UBE2D3: variants seen among roughly 807,000 people sequenced by gnomAD.
UBE2D3 encodes ubiquitin conjugating enzyme E2 D3, also known as ubiquitin-conjugating enzyme E2 D3.
Under a neutral mutation model 22.8 loss-of-function variants are expected in UBE2D3, and 2 were observed. The observed-to-expected ratio is 0.09, with a 90% CI of 0.04 to 0.28. UBE2D3 has a LOEUF of 0.28. Among genes scored for constraint, UBE2D3 ranks in the 10% least tolerant of loss-of-function variants. The pLI is 1.00. For synonymous variants in UBE2D3, 56 were observed against 60.4 expected (o/e 0.93, Z 0.34); for missense variants, 27 against 182.5 (o/e 0.15, Z 4.91).
chr4:102,825,415 G>C (rs1025217342), intron 2 of UBE2D3: 1 of 1,046,868 alleles, frequency 9.6e-7, no homozygotes, highest in African/African-American at 1.7e-5. Flanking sequence ...TTTGAGCAGA[G>C]GATCTTAGAG....
rs186318987 is a variant in UBE2D3 at position 102,851,650 on chromosome 4, T to G, written c.-129+17065A>C. 7.1e-4 allele frequency among the ~76,000 whole-genome samples: 105 copies of G among 148,384 alleles called. 1 individual carries two copies. Among genetic ancestry groups the G allele is most frequent in the South Asian group, 3.0e-3 (14 of 4,686 alleles). ...CCTTTAATATTAGAACCCCCATTTT[T>G]TTTTGTTTTGTTTTGTTTTTTGTTT... On this transcript the variant is annotated intron_variant, in intron 1 of 7. Transcript: ENST00000338145.
chr4:102,801,311 A>C lies in UBE2D3; in HGVS notation c.304+143T>G, dbSNP rs1380150742. On this transcript the variant is annotated intron_variant, in intron 6 of 7. Transcript: ENST00000453744. ...AAGTATCTTTAATCAACACCACTAA[A>C]AGAACAAAAATTATAAAAGTAACTT... The C allele has an allele frequency of 1.2e-5, 8 of 687,570 alleles. No homozygotes were observed. The East Asian group carries it at 2.4e-4, about 21-fold the overall frequency. 42.6% of individuals were successfully genotyped at this position (687,570 alleles called of 1,614,324 possible).
chr4:102,856,584 T>C (rs76795287), intron 1 of UBE2D3, among the ~76,000 whole-genome samples: 5 of 152,174 alleles, frequency 3.3e-5, no homozygotes, highest in Non-Finnish European at 5.9e-5. Flanking sequence ...TTTAAAATCA[T>C]AATATTCGTA....
In UBE2D3 at chr4:102,798,975, T is replaced by C. The variant is rs762394601; in HGVS notation, c.398+432A>G. 2.5e-6 allele frequency: 4 copies of C among 1,611,196 alleles called. No homozygotes were observed. The Admixed American group carries it at 5.0e-5, about 20-fold the overall frequency. ...TGTCCACTCTCTTGCTAACCTATTG[T>C]ACCTAATTGAACAAGTACACTTAGC... is the stretch of plus-strand genomic sequence containing the variant. On this transcript the variant is annotated intron_variant, in intron 7 of 7. Coordinates refer to ENST00000453744, the MANE Select transcript of UBE2D3 (RefSeq NM_181891.3).
At chr4:102,867,148 T>A (rs908762490) in intron 1 of UBE2D3, among the ~76,000 whole-genome samples, 6 of 152,242 alleles carry the variant, frequency 3.9e-5, no homozygotes, top group Non-Finnish European at 7.3e-5. Context: ...ACAATTATAA[T>A]GATAGAAAAT....
intron 1 of UBE2D3, among the ~76,000 whole-genome samples, chr4:102,840,330 A>C (rs1445186442): frequency 6.6e-6 from 1 of 152,272 alleles, no homozygotes; most frequent in Non-Finnish European, 1.5e-5. Context: ...GTGTCCGTCA[A>C]CAGATGAATG....
At chr4:102,864,543 T>C (rs1733058091) in intron 1 of UBE2D3, among the ~76,000 whole-genome samples, 1 of 152,188 alleles carries the variant, frequency 6.6e-6, no homozygotes, top group Non-Finnish European at 1.5e-5. Flanking sequence ...AAGACGATAA[T>C]GATAATAACC....
chr4:102,847,740 C>T (rs1382267418), intron 1 of UBE2D3, among the ~76,000 whole-genome samples: 5 of 152,052 alleles, frequency 3.3e-5, no homozygotes, highest in African/African-American at 1.2e-4. Flanking sequence ...AACTCCTGGG[C>T]TTAGACAACC....
At chr4:102,830,743 A>G (rs1448311960), upstream of UBE2D3, among the ~76,000 whole-genome samples, 5 of 152,246 alleles carry the variant, frequency 3.3e-5, no homozygotes, top group African/African-American at 7.2e-5. Context: ...GTACACGCCT[A>G]TGGTCCCAGC....
At chr4:102,801,397 C>T (rs1013866879) in intron 6 of UBE2D3, 57 bp downstream of exon 6, 2 of 1,437,018 alleles carry the variant, frequency 1.4e-6, no homozygotes, top group Non-Finnish European at 1.9e-6. Context: ...ATAAGTAGAT[C>T]TAAGAATGAA....
At chr4:102,809,432 A>G (rs1645811307) in intron 4 of UBE2D3, 6 of 503,598 alleles carry the variant, frequency 1.2e-5, no homozygotes, top group South Asian at 1.2e-4. Context: ...AGATACAGAG[A>G]TGTTTGGTAG....
chr4:102,860,094 G>A (rs532315884), intron 1 of UBE2D3, among the ~76,000 whole-genome samples: 19 of 152,118 alleles, frequency 1.2e-4, no homozygotes, highest in African/African-American at 1.2e-4. Flanking sequence ...TGATCCACAC[G>A]CCTCGGCCTC....
intron 4 of UBE2D3, among the ~76,000 whole-genome samples, chr4:102,806,758 G>A (rs1467638256): frequency 6.6e-6 from 1 of 151,980 alleles, no homozygotes; most frequent in African/African-American, 2.4e-5. Flanking sequence ...AAATATCAGA[G>A]GCAATAGGTA....
intron 2 of UBE2D3, among the ~76,000 whole-genome samples, chr4:102,822,413 G>A (rs553519281): frequency 1.3e-5 from 2 of 152,152 alleles, no homozygotes; most frequent in African/African-American, 2.4e-5. Flanking sequence ...TTCACTCTAA[G>A]ACATCCTAAG....
chr4:102,847,445 C>T (rs1451006904), intron 1 of UBE2D3, among the ~76,000 whole-genome samples: 1 of 151,656 alleles, frequency 6.6e-6, no homozygotes, highest in Non-Finnish European at 1.5e-5. Context: ...GCCACCACAC[C>T]CAGCTAATTT....
intron 2 of UBE2D3, 85 bp downstream of exon 2, chr4:102,826,400 T>C: frequency 6.5e-7 from 1 of 1,533,298 alleles, no homozygotes; most frequent in South Asian, 1.1e-5. Context: ...TTCAGAATTA[T>C]GCTTCCTTCC....
intron 1 of UBE2D3, among the ~76,000 whole-genome samples, chr4:102,863,226 TTTTTAG>T (rs1330699732): frequency 6.6e-6 from 1 of 151,974 alleles, no homozygotes. Context: ...AATTTTTGTA[TTTTTAG>T]TAGAGATGGG....
chr4:102,807,956 A>G (rs1408078581), intron 4 of UBE2D3, among the ~76,000 whole-genome samples: 1 of 152,236 alleles, frequency 6.6e-6, no homozygotes, highest in African/African-American at 2.4e-5. Context: ...TAGAAGTTTT[A>G]ATTACCAACG....
upstream of UBE2D3, chr4:102,827,854 G>A: frequency 1.0e-6 from 1 of 985,676 alleles, no homozygotes; most frequent in Non-Finnish European, 1.2e-6. Context: ...ATCGAGAACC[G>A]GAAGGAGACC....
Sources: allele counts gnomAD v4.1 joint callset (sites outside exome capture counted in the v4.1 genomes callset), GRCh38; gene constraint gnomAD v4.1.1; transcripts MANE v1.5; gene names NCBI Gene and HGNC (gene_info 2026-07-23, HGNC 2026-07-21).